LRRC4C: variants seen among roughly 807,000 people sequenced by gnomAD.
LRRC4C encodes the protein leucine-rich repeat-containing protein 4C.
Under a neutral mutation model 33.6 loss-of-function variants are expected in LRRC4C, and 5 were observed. The observed-to-expected ratio is 0.15, with a 90% CI of 0.08 to 0.31. The LOEUF (loss-of-function observed/expected upper bound fraction) is 0.31. Ranked by LOEUF, LRRC4C falls within the 10% of genes least tolerant of loss-of-function variation. LRRC4C has a pLI of 1.00. For missense variants in LRRC4C, 560 were observed against 796.7 expected, an observed-to-expected ratio of 0.70 and a Z score of 3.58; for synonymous variants, 329 against 302.0, an observed-to-expected ratio of 1.09 and a Z score of -0.93.
intron 2 of LRRC4C, among the ~76,000 whole-genome samples, chr11:40,704,331 T>G (rs1484025838): frequency 6.6e-6 from 1 of 152,124 alleles, no homozygotes; most frequent in Non-Finnish European, 1.5e-5. Context: ...ATTTTTATAT[T>G]TGAGGTGTTC....
At chr11:40,271,346 AAG>A (rs1942682230) in intron 4 of LRRC4C, among the ~76,000 whole-genome samples, 1 of 152,192 alleles carries the variant, frequency 6.6e-6, no homozygotes, top group South Asian at 2.1e-4. Context: ...CAAATTAGGA[AAG>A]AGAGTGTTGG....
intron 2 of LRRC4C, among the ~76,000 whole-genome samples, chr11:40,916,134 T>C (rs1471674292): frequency 6.6e-6 from 1 of 152,210 alleles, no homozygotes; most frequent in Non-Finnish European, 1.5e-5. Flanking sequence ...TGGAAGTCAG[T>C]GTAGCGATTC....
chr11:40,824,707 T>C (rs1274802160), intron 2 of LRRC4C, among the ~76,000 whole-genome samples: 1 of 151,954 alleles, frequency 6.6e-6, no homozygotes, highest in Non-Finnish European at 1.5e-5. Context: ...GCTACATTAT[T>C]AGAAATGTCA....
intron 3 of LRRC4C, among the ~76,000 whole-genome samples, chr11:40,490,375 T>C (rs1332576384): frequency 6.6e-6 from 1 of 152,184 alleles, no homozygotes; most frequent in Non-Finnish European, 1.5e-5. Flanking sequence ...AATGTCAAGC[T>C]GGGCTGCTGT....
chr11:40,219,097 A>G (rs1025872505), intron 5 of LRRC4C, among the ~76,000 whole-genome samples: 2 of 152,106 alleles, frequency 1.3e-5, no homozygotes, highest in Admixed American at 6.5e-5. Context: ...GTGCTTTTAT[A>G]ACTATCTAGA....
At chr11:41,267,806 C>T (rs772829675) in intron 1 of LRRC4C, among the ~76,000 whole-genome samples, 26 of 152,100 alleles carry the variant, frequency 1.7e-4, no homozygotes, top group Non-Finnish European at 3.2e-4. Context: ...TAGTACCCAC[C>T]ATCATCGAAC....
At chr11:40,624,440 T>A (rs557966030) in intron 3 of LRRC4C, among the ~76,000 whole-genome samples, 1 of 152,278 alleles carries the variant, frequency 6.6e-6, no homozygotes, top group South Asian at 2.1e-4. Context: ...GTGACCACTA[T>A]TCTCAGAATC....
chr11:41,043,076 T>C (rs1320598065), intron 1 of LRRC4C, among the ~76,000 whole-genome samples: 6 of 142,876 alleles, frequency 4.2e-5, no homozygotes, highest in Admixed American at 2.1e-4. Flanking sequence ...ACCTTTTTTT[T>C]TTTTTTTTTT....
chr11:41,457,678 G>A (rs751779813), intron 1 of LRRC4C, among the ~76,000 whole-genome samples: 4 of 151,886 alleles, frequency 2.6e-5, no homozygotes, highest in Non-Finnish European at 5.9e-5. Flanking sequence ...TGGACATTAC[G>A]GGTAACAGAT....
At chr11:40,703,474 G>A (rs779492921) in intron 2 of LRRC4C, among the ~76,000 whole-genome samples, 18 of 152,086 alleles carry the variant, frequency 1.2e-4, no homozygotes, top group Non-Finnish European at 2.5e-4. Flanking sequence ...AGCTACTCAG[G>A]AGGTGGAGTG....
At chr11:41,087,117 C>T (rs1196294721) in intron 1 of LRRC4C, among the ~76,000 whole-genome samples, 2 of 152,126 alleles carry the variant, frequency 1.3e-5, no homozygotes. Context: ...GAAATCTGGA[C>T]ATCACCCTTA....
At chr11:41,041,155 G>T (rs1262820618) in intron 1 of LRRC4C, among the ~76,000 whole-genome samples, 2 of 152,158 alleles carry the variant, frequency 1.3e-5, no homozygotes, top group Non-Finnish European at 2.9e-5. Flanking sequence ...CTTGTTCCAG[G>T]TTTGCACACA....
chr11:40,950,359 A>G (rs1247220786), intron 1 of LRRC4C, among the ~76,000 whole-genome samples: 4 of 152,132 alleles, frequency 2.6e-5, no homozygotes, highest in African/African-American at 4.8e-5. Flanking sequence ...CTGCTATTAG[A>G]AAACCCTTAC....
intron 1 of LRRC4C, among the ~76,000 whole-genome samples, chr11:41,380,197 A>G (rs1375117714): frequency 2.0e-5 from 3 of 152,154 alleles, no homozygotes; most frequent in African/African-American, 4.8e-5. Flanking sequence ...GGTATTTTCA[A>G]TTGTGTTGCC....
At chr11:41,174,192 G>A (rs1034946133) in intron 1 of LRRC4C, among the ~76,000 whole-genome samples, 5 of 152,028 alleles carry the variant, frequency 3.3e-5, no homozygotes, top group Non-Finnish European at 7.4e-5. Context: ...ACTCATTTGT[G>A]TATTGAGCTT....
chr11:41,342,261 A>T (rs974279213), intron 1 of LRRC4C, among the ~76,000 whole-genome samples: 4 of 152,198 alleles, frequency 2.6e-5, no homozygotes, highest in African/African-American at 9.7e-5. Context: ...TTATGCTATT[A>T]GGTCATTAAT....
At chr11:41,200,280 A>G (rs2136256882) in intron 1 of LRRC4C, among the ~76,000 whole-genome samples, 1 of 152,256 alleles carries the variant, frequency 6.6e-6, no homozygotes, top group Middle Eastern at 3.4e-3. Flanking sequence ...GACTATATAC[A>G]TAAATTATTC....
At chr11:40,745,756 G>A (rs1017359956) in intron 2 of LRRC4C, among the ~76,000 whole-genome samples, 8 of 152,006 alleles carry the variant, frequency 5.3e-5, no homozygotes, top group African/African-American at 1.9e-4. Flanking sequence ...ATTATATGTG[G>A]TTCTCATTGA....
At chr11:41,032,336 T>C (rs1367656294) in intron 1 of LRRC4C, among the ~76,000 whole-genome samples, 4 of 152,074 alleles carry the variant, frequency 2.6e-5, no homozygotes, top group Admixed American at 2.0e-4. Flanking sequence ...TCTTTTTTAT[T>C]ATGCAATTAA....
Sources: allele counts gnomAD v4.1 joint callset (sites outside exome capture counted in the v4.1 genomes callset), GRCh38; gene constraint gnomAD v4.1.1; transcripts MANE v1.5; gene names NCBI Gene and HGNC (gene_info 2026-07-23, HGNC 2026-07-21).